The following UST variants were observed in gnomAD, a reference collection of about 807,000 sequenced individuals.
The protein encoded by UST is chondroitin sulfate 2-O-sulfotransferase.
UST carries 21 observed loss-of-function variants against 45.6 expected under a neutral mutation model. The observed-to-expected ratio is 0.46, with a 90% CI of 0.33 to 0.66. The LOEUF (loss-of-function observed/expected upper bound fraction) is 0.66. Among genes scored for constraint, UST ranks in the 30% least tolerant of loss-of-function variants. The pLI is 0.02. For synonymous variants in UST, 215 were observed against 200.6 expected, an observed-to-expected ratio of 1.07 and a Z score of -0.61; for missense variants, 463 against 512.4, an observed-to-expected ratio of 0.90 and a Z score of 0.93.
At chr6:149,026,655 C>T (rs539386357) in intron 7 of UST, among the ~76,000 whole-genome samples, 2 of 152,120 alleles carry the variant, frequency 1.3e-5, no homozygotes, top group Non-Finnish European at 2.9e-5. Flanking sequence ...GGCAAATAAC[C>T]GAGCTGTTCT....
intron 1 of UST, among the ~76,000 whole-genome samples, chr6:148,804,528 A>G (rs1251564078): frequency 6.6e-6 from 1 of 152,154 alleles, no homozygotes; most frequent in Non-Finnish European, 1.5e-5. Flanking sequence ...TCCCATGTAA[A>G]CAGCCTGCAC....
intron 3 of UST, among the ~76,000 whole-genome samples, chr6:148,951,057 G>A (rs1780354243): frequency 6.6e-6 from 1 of 152,206 alleles, no homozygotes; most frequent in Admixed American, 6.5e-5. Flanking sequence ...CTGAAAGAGG[G>A]AACTTAAACT....
intron 5 of UST, among the ~76,000 whole-genome samples, chr6:148,986,809 CATT>C: frequency 6.6e-6 from 1 of 152,346 alleles, no homozygotes; most frequent in East Asian, 1.9e-4. Flanking sequence ...CCGTCATCAT[CATT>C]TTTATGTCTC....
At chr6:148,809,922 G>A (rs190352874) in intron 1 of UST, among the ~76,000 whole-genome samples, 13 of 152,254 alleles carry the variant, frequency 8.5e-5, no homozygotes, top group Admixed American at 5.9e-4. Context: ...TCTGCTGCTG[G>A]ATATAAATTG....
chr6:148,775,440 G>A (rs1422663015), intron 1 of UST, among the ~76,000 whole-genome samples: 4 of 152,066 alleles, frequency 2.6e-5, no homozygotes, highest in Non-Finnish European at 5.9e-5. Flanking sequence ...TGCGTTTATT[G>A]TTAGAGCCAC....
chr6:149,004,799 G>A (rs771748690), intron 5 of UST, among the ~76,000 whole-genome samples: 5 of 152,094 alleles, frequency 3.3e-5, no homozygotes, highest in Non-Finnish European at 7.4e-5. Flanking sequence ...GCAGAACTAG[G>A]GCACAGGAAT....
At chr6:149,010,018 T>TTA (rs1182111737) in intron 5 of UST, among the ~76,000 whole-genome samples, 4 of 149,276 alleles carry the variant, frequency 2.7e-5, no homozygotes, top group African/African-American at 9.8e-5. Flanking sequence ...TAAGTTTTTT[T>TTA]AAAAAAAAAA....
chr6:149,037,328 C>T (rs1776252500), intron 7 of UST, among the ~76,000 whole-genome samples: 1 of 152,220 alleles, frequency 6.6e-6, no homozygotes, highest in Non-Finnish European at 1.5e-5. Context: ...TTTCCCCTCT[C>T]TAAATACATT....
intron 7 of UST, chr6:149,066,155 C>G (rs1231762549): frequency 6.6e-6 from 1 of 152,250 alleles, no homozygotes; most frequent in African/African-American, 2.4e-5. Flanking sequence ...GTGTGTGGCC[C>G]ACAGTGTGAT....
intron 7 of UST, among the ~76,000 whole-genome samples, chr6:149,061,475 G>A (rs918432027): frequency 6.6e-6 from 1 of 152,208 alleles, no homozygotes; most frequent in African/African-American, 2.4e-5. Flanking sequence ...CATCGTGCTT[G>A]TCACTGCCCA....
chr6:148,993,353 T>C (rs1781389916), intron 5 of UST, among the ~76,000 whole-genome samples: 2 of 150,426 alleles, frequency 1.3e-5, no homozygotes, highest in Admixed American at 1.3e-4. Context: ...CAGTGGGAGT[T>C]TCCAAAAGTT....
chr6:148,868,847 G>A (rs1046523807), intron 1 of UST, among the ~76,000 whole-genome samples: 5 of 152,272 alleles, frequency 3.3e-5, no homozygotes, highest in Admixed American at 6.5e-5. Flanking sequence ...CTTGGAAGAT[G>A]TTTTACTTAA....
intron 2 of UST, among the ~76,000 whole-genome samples, chr6:148,900,305 G>T (rs768791997): frequency 6.6e-6 from 1 of 152,044 alleles, no homozygotes; most frequent in African/African-American, 2.4e-5. Context: ...CTTCTGTATC[G>T]ATATGGTTTG....
intron 1 of UST, among the ~76,000 whole-genome samples, chr6:148,866,449 T>TGACC (rs1268164655): frequency 6.6e-6 from 1 of 152,162 alleles, no homozygotes; most frequent in Non-Finnish European, 1.5e-5. Context: ...GGAAATTTTT[T>TGACC]GACCCCTTGA....
At chr6:149,047,841 AGTG>A (rs1776416093) in intron 7 of UST, among the ~76,000 whole-genome samples, 1 of 152,238 alleles carries the variant, frequency 6.6e-6, no homozygotes, top group Non-Finnish European at 1.5e-5. Flanking sequence ...TGACATGGCC[AGTG>A]ATCTTTTTTT....
At chr6:148,872,778 C>T (rs1288955896) in intron 1 of UST, among the ~76,000 whole-genome samples, 3 of 152,126 alleles carry the variant, frequency 2.0e-5, no homozygotes, top group Non-Finnish European at 4.4e-5. Context: ...CTCCCTGACT[C>T]GTGGCCCCTT....
At position 149,076,863 on chromosome 6, in the gene UST, A is replaced by T. The variant is rs1776896103; in HGVS notation, c.*2747A>T. 1 of 152,312 alleles carries T rather than the reference A, an allele frequency of 6.6e-6. No homozygotes were observed. Among genetic ancestry groups the T allele is most frequent in the African/African-American group, 2.4e-5 (1 of 41,340 alleles). The allele number at this position is 152,312 out of a possible 1,614,324, so 9.4% of individuals were successfully genotyped here. ...AGCCTACTTTCTTGAGTGCCGTAAA[A>T]GTGCTTGTAAATCTTTTTTTTTTTT... is the stretch of plus-strand genomic sequence containing the variant. On this transcript the variant is annotated 3_prime_UTR_variant, in exon 8 of 8. Transcript: ENST00000367463.
At chr6:148,952,675 C>T (rs1562310647) in intron 3 of UST, among the ~76,000 whole-genome samples, 1 of 152,190 alleles carries the variant, frequency 6.6e-6, no homozygotes, top group Non-Finnish European at 1.5e-5. Context: ...GTTCCAGACT[C>T]TTATTTTATT....
At chr6:148,810,908 C>G (rs1469679702) in intron 1 of UST, among the ~76,000 whole-genome samples, 1 of 152,070 alleles carries the variant, frequency 6.6e-6, no homozygotes, top group Non-Finnish European at 1.5e-5. Context: ...GTATTGTATA[C>G]TAATTAATCT....
Sources: gnomAD v4.1 joint callset for allele counts (sites outside exome capture counted in the v4.1 genomes callset) on GRCh38, gnomAD v4.1.1 for gene constraint, MANE v1.5 for transcripts, NCBI Gene and HGNC (gene_info 2026-07-23, HGNC 2026-07-21) for gene names.